KLF15: variants seen among roughly 807,000 people sequenced by gnomAD.
KLF15 encodes Krueppel-like factor 15.
KLF15 carries 4 observed loss-of-function variants against 24.6 expected under a neutral mutation model. That is an observed-to-expected ratio of 0.16 (90% CI 0.08 to 0.37). KLF15 has a LOEUF of 0.37. KLF15 is among the 10% of genes least tolerant of loss of function. The pLI, the probability that KLF15 is intolerant of heterozygous loss-of-function variation, is 1.00. For missense variants in KLF15, 496 were observed against 560.6 expected (o/e 0.88, Z 1.16); for synonymous variants, 246 against 236.3 (o/e 1.04, Z -0.37).
At chr3:126,316,091 A>G in the KLF15 span, among the ~76,000 whole-genome samples, 1 of 152,350 alleles carries the variant, frequency 6.6e-6, no homozygotes, top group South Asian at 2.1e-4. Flanking sequence ...AAGAATTCAA[A>G]CAAATAATTG....
downstream of KLF15, among the ~76,000 whole-genome samples, chr3:126,340,789 C>T (rs938804935): frequency 3.9e-5 from 6 of 152,280 alleles, no homozygotes; most frequent in Middle Eastern, 3.4e-3. Flanking sequence ...AAATCACAGA[C>T]GGTCAGAAAG....
the KLF15 span, among the ~76,000 whole-genome samples, chr3:126,322,990 A>G: frequency 6.6e-6 from 1 of 151,086 alleles, no homozygotes; most frequent in Non-Finnish European, 1.5e-5. Context: ...TTAAAAATTC[A>G]TATATAATGA....
At chr3:126,326,583 C>T in the KLF15 span, among the ~76,000 whole-genome samples, 5 of 152,202 alleles carry the variant, frequency 3.3e-5, no homozygotes, top group Non-Finnish European at 5.9e-5. Flanking sequence ...GCAGAACCTG[C>T]CCTCATGGAG....
chr3:126,329,857 A>T, the KLF15 span, among the ~76,000 whole-genome samples: 8 of 144,092 alleles, frequency 5.6e-5, no homozygotes, highest in East Asian at 1.4e-3. Context: ...TTTTTTTACC[A>T]ATTTCCTGCC....
At chr3:126,316,624 T>TGGGGCAGGGAGTGCACAGGCCAGAGC in the KLF15 span, among the ~76,000 whole-genome samples, 1 of 127,848 alleles carries the variant, frequency 7.8e-6, no homozygotes, top group African/African-American at 3.1e-5. Flanking sequence ...CAGGCCAGAG[T>TGGGGCAGGGAGTGCACAGGCCAGAGC]GGGGCTGGGA....
the KLF15 span, among the ~76,000 whole-genome samples, chr3:126,289,871 A>C: frequency 1.3e-5 from 2 of 152,216 alleles, no homozygotes; most frequent in African/African-American, 4.8e-5. Flanking sequence ...CCTTTCTCCA[A>C]AGATGATTTC....
chr3:126,314,915 T>C, the KLF15 span, among the ~76,000 whole-genome samples: 1 of 152,124 alleles, frequency 6.6e-6, no homozygotes, highest in Non-Finnish European at 1.5e-5. Context: ...TTGCATAGAG[T>C]TGGCTAGGGC....
chr3:126,307,154 C>T, the KLF15 span, among the ~76,000 whole-genome samples: 5 of 152,184 alleles, frequency 3.3e-5, no homozygotes, highest in African/African-American at 7.2e-5. Flanking sequence ...AAGCAGTACC[C>T]GTCAGCCTTC....
chr3:126,327,631 T>C, the KLF15 span, among the ~76,000 whole-genome samples: 2 of 152,210 alleles, frequency 1.3e-5, no homozygotes, highest in Non-Finnish European at 2.9e-5. Flanking sequence ...CCTGTGCTGC[T>C]GGGGGCATTG....
At chr3:126,305,381 C>T in the KLF15 span, among the ~76,000 whole-genome samples, 4,706 of 152,204 alleles carry the variant, frequency 0.031, 249 homozygotes, top group African/African-American at 0.11. Context: ...TTCATGATTA[C>T]GTTCTGACTT....
chr3:126,302,205 T>C, the KLF15 span, among the ~76,000 whole-genome samples: 1 of 152,228 alleles, frequency 6.6e-6, no homozygotes, highest in Non-Finnish European at 1.5e-5. Context: ...CTTTTAGTTA[T>C]TGATTTCTAA....
chr3:126,297,648 C>T, the KLF15 span, among the ~76,000 whole-genome samples: 1 of 152,176 alleles, frequency 6.6e-6, no homozygotes, highest in Non-Finnish European at 1.5e-5. Context: ...ATTCTTATGC[C>T]TTCGCATCCT....
chr3:126,323,034 A>G, the KLF15 span, among the ~76,000 whole-genome samples: 3 of 149,676 alleles, frequency 2.0e-5, no homozygotes, highest in African/African-American at 7.4e-5. Context: ...TTTTTTTTTA[A>G]TGAAATAATT....
chr3:126,304,613 T>C, the KLF15 span, among the ~76,000 whole-genome samples: 2 of 152,384 alleles, frequency 1.3e-5, no homozygotes, highest in East Asian at 1.9e-4. Context: ...AGGCAATAAG[T>C]TGGCTTTCCC....
At chr3:126,347,055 T>C (rs2082540494) in intron 2 of KLF15, among the ~76,000 whole-genome samples, 1 of 152,172 alleles carries the variant, frequency 6.6e-6, no homozygotes, top group Non-Finnish European at 1.5e-5. Flanking sequence ...TTGGGCCTGG[T>C]TCCTGGTGGG....
At chr3:126,348,626 T>C (rs903202009) in intron 2 of KLF15, among the ~76,000 whole-genome samples, 2 of 152,250 alleles carry the variant, frequency 1.3e-5, no homozygotes, top group African/African-American at 4.8e-5. Flanking sequence ...TACAAGGACC[T>C]GATGAGCTAA....
At chr3:126,298,698 C>G in the KLF15 span, among the ~76,000 whole-genome samples, 2 of 152,100 alleles carry the variant, frequency 1.3e-5, no homozygotes, top group Non-Finnish European at 2.9e-5. Flanking sequence ...TGCCAATTGT[C>G]CCAGCACCAT....
chr3:126,350,442 A>G (rs532046732), intron 2 of KLF15, among the ~76,000 whole-genome samples: 1 of 152,132 alleles, frequency 6.6e-6, no homozygotes, highest in Non-Finnish European at 1.5e-5. Context: ...AAACCTAGAC[A>G]CTGTTCAGGA....
At chr3:126,307,306 C>T in the KLF15 span, among the ~76,000 whole-genome samples, 1 of 152,212 alleles carries the variant, frequency 6.6e-6, no homozygotes. Flanking sequence ...CCTGCCCAGC[C>T]TCCAGCATGG....
Sources: gnomAD v4.1 joint callset for allele counts (sites outside exome capture counted in the v4.1 genomes callset) on GRCh38, gnomAD v4.1.1 for gene constraint, MANE v1.5 for transcripts, NCBI Gene and HGNC (gene_info 2026-07-23, HGNC 2026-07-21) for gene names.